OPCML: variants seen among roughly 807,000 people sequenced by gnomAD.
The protein encoded by OPCML is opioid binding protein/cell adhesion molecule like.
Under a neutral mutation model 37.8 loss-of-function variants are expected in OPCML, and 13 were observed. The observed-to-expected ratio is 0.34, with a 90% CI of 0.22 to 0.55. The LOEUF is 0.55. Among genes scored for constraint, OPCML ranks in the 20% least tolerant of loss-of-function variants. The probability of loss-of-function intolerance (pLI) is 0.91; values close to 1 mark genes in which losing one functional copy is unlikely to be tolerated. For missense variants in OPCML, 341 were observed against 435.6 expected (o/e 0.78, Z 1.93); for synonymous variants, 176 against 168.8 (o/e 1.04, Z -0.33).
intron 1 of OPCML, among the ~76,000 whole-genome samples, chr11:133,385,779 C>G (rs892016538): frequency 6.6e-6 from 1 of 152,120 alleles, no homozygotes; most frequent in African/African-American, 2.4e-5. Flanking sequence ...AAGACTCATC[C>G]TCTTTCTTGT....
chr11:133,367,599 G>T (rs1944574623), intron 1 of OPCML, among the ~76,000 whole-genome samples: 1 of 152,244 alleles, frequency 6.6e-6, no homozygotes, highest in South Asian at 2.1e-4. Flanking sequence ...TTCGAGTAAA[G>T]CAGTGCTTTG....
intron 1 of OPCML, among the ~76,000 whole-genome samples, chr11:133,180,280 A>G (rs1937762818): frequency 6.6e-6 from 1 of 152,094 alleles, no homozygotes; most frequent in Admixed American, 6.5e-5. Flanking sequence ...GACCTGGCCT[A>G]TGCATTACGA....
At chr11:133,264,986 T>A (rs7108686) in intron 1 of OPCML, among the ~76,000 whole-genome samples, 4,884 of 152,224 alleles carry the variant, frequency 0.032, 278 homozygotes, top group African/African-American at 0.11. Flanking sequence ...GCTTGGAGAT[T>A]TTAAACTGCC....
At chr11:132,763,311 TTAATC>T (rs111520652) in intron 2 of OPCML, among the ~76,000 whole-genome samples, 3,251 of 152,256 alleles carry the variant, frequency 0.021, 118 homozygotes, top group African/African-American at 0.075. Context: ...ATTAAGTCAT[TTAATC>T]TACTCAATAC....
At chr11:132,655,936 A>T (rs1941684522) in intron 3 of OPCML, among the ~76,000 whole-genome samples, 1 of 150,978 alleles carries the variant, frequency 6.6e-6, no homozygotes, top group Admixed American at 6.6e-5. Flanking sequence ...ACATTTCACA[A>T]ACTAAAAAAA....
Position 133,325,640 on chromosome 11 carries a change from C to T in OPCML, c.61+206624G>A, listed in dbSNP as rs1209371599. 2.6e-5 allele frequency among the ~76,000 whole-genome samples: 4 copies of T among 152,140 alleles called. No homozygotes were observed. In the East Asian group the frequency reaches 5.8e-4, roughly 22 times the overall value. Reference sequence around the variant, plus strand: ...ATTAATAGGCAATAAATGATGATGACGTTTTAAGATGTCCTAAGAACCCAT... The same window carrying T: ...ATTAATAGGCAATAAATGATGATGATGTTTTAAGATGTCCTAAGAACCCAT... On this transcript the variant is annotated intron_variant, in intron 1 of 7. Coordinates refer to ENST00000524381, the MANE Select transcript of OPCML (RefSeq NM_001012393.5).
At chr11:132,781,251 A>C (rs1390743294) in intron 2 of OPCML, among the ~76,000 whole-genome samples, 1 of 152,042 alleles carries the variant, frequency 6.6e-6, no homozygotes, top group Non-Finnish European at 1.5e-5. Flanking sequence ...GAGTGGGGCA[A>C]AGTGAGTGCC....
At chr11:133,428,001 G>T (rs1356514217) in intron 1 of OPCML, among the ~76,000 whole-genome samples, 2 of 151,998 alleles carry the variant, frequency 1.3e-5, no homozygotes, top group Non-Finnish European at 2.9e-5. Flanking sequence ...CTGGATAAAA[G>T]ATAACACCAA....
intron 1 of OPCML, among the ~76,000 whole-genome samples, chr11:133,458,506 A>ATACACATATATACACTGTGTGTG (rs1565645355): frequency 1.1e-5 from 1 of 91,466 alleles, no homozygotes; most frequent in Non-Finnish European, 1.9e-5. Context: ...GTGTGTGTGT[A>ATACACATATATACACTGTGTGTG]TATACACATA....
chr11:133,172,032 T>C (rs1722670492), intron 1 of OPCML, among the ~76,000 whole-genome samples: 1 of 152,252 alleles, frequency 6.6e-6, no homozygotes, highest in African/African-American at 2.4e-5. Flanking sequence ...GCTCCCTGTA[T>C]GGAAATAGCA....
intron 1 of OPCML, among the ~76,000 whole-genome samples, chr11:133,070,445 T>G (rs1948508535): frequency 1.3e-5 from 2 of 152,150 alleles, no homozygotes; most frequent in South Asian, 4.1e-4. Flanking sequence ...CTACCCAGCA[T>G]CGCCTGGGAG....
At chr11:133,329,285 T>C (rs1255600242) in intron 1 of OPCML, among the ~76,000 whole-genome samples, 2 of 152,068 alleles carry the variant, frequency 1.3e-5, no homozygotes, top group Admixed American at 1.3e-4. Flanking sequence ...TTCAATGCCA[T>C]CCCCATCAAG....
At chr11:132,779,351 A>C (rs1479803895) in intron 2 of OPCML, among the ~76,000 whole-genome samples, 1 of 152,122 alleles carries the variant, frequency 6.6e-6, no homozygotes, top group Non-Finnish European at 1.5e-5. Flanking sequence ...CTATAATATT[A>C]GTCGAGATAA....
At chr11:133,456,938 G>A (rs1016940545) in intron 1 of OPCML, among the ~76,000 whole-genome samples, 2 of 152,106 alleles carry the variant, frequency 1.3e-5, no homozygotes, top group Non-Finnish European at 2.9e-5. Flanking sequence ...AGAGAAAAGG[G>A]CAGTGAGGTT....
intron 1 of OPCML, among the ~76,000 whole-genome samples, chr11:133,513,982 G>A (rs1299519054): frequency 6.6e-6 from 1 of 152,106 alleles, no homozygotes; most frequent in African/African-American, 2.4e-5. Flanking sequence ...ATCCCAAAGG[G>A]TCAGTCCCTA....
intron 1 of OPCML, among the ~76,000 whole-genome samples, chr11:133,344,593 C>T (rs1943954155): frequency 6.6e-6 from 1 of 152,188 alleles, no homozygotes; most frequent in South Asian, 2.1e-4. Context: ...CTGGCCATGG[C>T]TCCTGCACCA....
intron 3 of OPCML, among the ~76,000 whole-genome samples, chr11:132,529,999 C>T (rs1178368985): frequency 6.6e-6 from 1 of 152,158 alleles, no homozygotes; most frequent in Non-Finnish European, 1.5e-5. Flanking sequence ...GGTGACCTGC[C>T]TTTGTCCCTT....
At chr11:132,745,660 T>C (rs1443996851) in intron 2 of OPCML, among the ~76,000 whole-genome samples, 1 of 151,660 alleles carries the variant, frequency 6.6e-6, no homozygotes, top group Non-Finnish European at 1.5e-5. Flanking sequence ...TTTTTCTCCA[T>C]CTTCCCAACC....
intron 1 of OPCML, among the ~76,000 whole-genome samples, chr11:133,138,331 C>T (rs1949721510): frequency 6.6e-6 from 1 of 152,172 alleles, no homozygotes; most frequent in South Asian, 2.1e-4. Flanking sequence ...TTTTAAATTT[C>T]CCAGCCTCAG....
Sources: allele counts gnomAD v4.1 joint callset (sites outside exome capture counted in the v4.1 genomes callset), GRCh38; gene constraint gnomAD v4.1.1; transcripts MANE v1.5; gene names NCBI Gene and HGNC (gene_info 2026-07-23, HGNC 2026-07-21).